UFD1: variants seen among roughly 807,000 people sequenced by gnomAD.
The protein encoded by UFD1 is ubiquitin recognition factor in ER-associated degradation protein 1.
In UFD1, 13 loss-of-function variants were observed where a neutral mutation model predicts 45.9. That is an observed-to-expected ratio of 0.28 (90% CI 0.18 to 0.45). The LOEUF (loss-of-function observed/expected upper bound fraction) is 0.45, where lower values mean the gene tolerates loss of function less well. Ranked by LOEUF, UFD1 falls within the 20% of genes least tolerant of loss-of-function variation. The pLI, the probability that UFD1 is intolerant of heterozygous loss-of-function variation, is 1.00. For missense variants in UFD1, 218 were observed against 389.2 expected, an observed-to-expected ratio of 0.56 and a Z score of 3.70; for synonymous variants, 128 against 139.2, an observed-to-expected ratio of 0.92 and a Z score of 0.56.
chr22:19,467,735 A>C, intron 5 of UFD1, 138 bp downstream of exon 5: 1 of 1,462,576 alleles, frequency 6.8e-7, no homozygotes, highest in Non-Finnish European at 9.2e-7. Flanking sequence ...GCTGAACCCC[A>C]TTATTCTCAA....
At position 19,464,265 on chromosome 22, in the gene UFD1, G is replaced by A. The variant is rs143239726; in HGVS notation, c.495+937C>T. On this transcript the variant is annotated intron_variant, in intron 6 of 11. Transcript: ENST00000263202. ...CCAGTCCCCGAAGGGACCAGAGAGT[G>A]CTGTGAAGGAGCTAAGTGCTAGCTT... 8.2e-3 allele frequency among the ~76,000 whole-genome samples: 1,243 copies of A among 152,338 alleles called. 16 individuals carry two copies. Among genetic ancestry groups the A allele is most frequent in the African/African-American group, 0.028 (1,166 of 41,568 alleles).
At chr22:19,452,971 G>C in intron 11 of UFD1, 2 of 930,514 alleles carry the variant, frequency 2.1e-6, no homozygotes, top group Non-Finnish European at 2.6e-6. Context: ...CATCTTTGGG[G>C]AAACTATTTC....
chr22:19,456,950 T>G (rs1447661242), intron 7 of UFD1, 32 bp from the exon 8 acceptor site: 2 of 1,452,802 alleles, frequency 1.4e-6, no homozygotes, highest in Non-Finnish European at 1.9e-6. Context: ...AGTAAAATAT[T>G]GAGACATGAC....
chr22:19,475,931 T>C (rs5748228), intron 1 of UFD1, among the ~76,000 whole-genome samples: 7,604 of 152,206 alleles, frequency 0.05, 292 homozygotes, highest in East Asian at 0.12. Flanking sequence ...CTAAACAATA[T>C]TTGTTAATTG....
intron 7 of UFD1, among the ~76,000 whole-genome samples, chr22:19,457,600 G>A (rs2089732799): frequency 6.6e-6 from 1 of 152,150 alleles, no homozygotes; most frequent in Non-Finnish European, 1.5e-5. Context: ...ATTACCTGAG[G>A]TCAGGAGTTT....
chr22:19,457,087 A>C, intron 7 of UFD1, 169 bp from the exon 8 acceptor site: 1 of 617,436 alleles, frequency 1.6e-6, no homozygotes, highest in South Asian at 1.9e-5. Context: ...TTACAAAATT[A>C]CAGTAAAGTA....
intron 5 of UFD1, 121 bp downstream of exon 5, chr22:19,467,752 A>G (rs2089813668): frequency 2.0e-6 from 3 of 1,497,884 alleles, no homozygotes; most frequent in African/African-American, 1.4e-5. Context: ...TCAAATCACA[A>G]CTTGAATCAC....
In UFD1 at chr22:19,455,721, T is replaced by C; in HGVS notation, c.726A>G (p.Val242=). ...GCTTGATTGGGGAGGGGCTGGGCTC[T>C]ACCCCTTTCTTCTTTCCATCCAGTC... ...GNRLDGKKKG[V]EPSPSPIKPG... is the part of the protein sequence containing the mutation. The change falls in exon 10 of 12, where the codon GTA becomes GTG. Residue 242 remains valine, a synonymous_variant. Coordinates refer to ENST00000263202, the MANE Select transcript of UFD1 (RefSeq NM_005659.7). 1 of 1,614,130 alleles carries C rather than the reference T, an allele frequency of 6.2e-7. No homozygotes were observed. Among genetic ancestry groups the C allele is most frequent in the Non-Finnish European group, 8.5e-7 (1 of 1,179,966 alleles).
At chr22:19,454,853 A>G in intron 10 of UFD1, 23 bp from the exon 11 acceptor site, 1 of 1,603,850 alleles carries the variant, frequency 6.2e-7, no homozygotes, top group East Asian at 2.2e-5. Context: ...ACAGAGACAG[A>G]GAAATGTTAT....
chr22:19,451,439 G>C (rs1372741908), intron 11 of UFD1: 1 of 985,140 alleles, frequency 1.0e-6, no homozygotes, highest in Non-Finnish European at 1.2e-6. Flanking sequence ...TTAACATATA[G>C]AGACCAACCA....
At chr22:19,451,488 C>A in intron 11 of UFD1, 1 of 985,370 alleles carries the variant, frequency 1.0e-6, no homozygotes, top group Non-Finnish European at 1.2e-6. Flanking sequence ...CTTCCATCAG[C>A]AGAAAGAGGG....
chr22:19,453,635 C>T lies in UFD1; in HGVS notation c.849+1114G>A, dbSNP rs962010700. 1.0e-5 allele frequency: 10 copies of T among 985,464 alleles called. No homozygotes were observed. The African/African-American group carries it at 1.6e-4, about 15-fold the overall frequency. 61.0% of individuals were successfully genotyped at this position (985,464 alleles called of 1,614,324 possible). A position where few individuals can be genotyped will look rare whatever the true frequency, so the allele number is the denominator to read the frequency against. On this transcript the variant is annotated intron_variant, in intron 11 of 11. Coordinates refer to ENST00000263202, the MANE Select transcript of UFD1 (RefSeq NM_005659.7). ...CTGGAGGGTGAGGTCTGACTGGCCA[C>T]TATGTTTGCTCCTCTGAGCCTGAAA...
chr22:19,454,993 C>G (rs1004608741), intron 10 of UFD1, among the ~76,000 whole-genome samples, 163 bp from the exon 11 acceptor site: 2 of 152,160 alleles, frequency 1.3e-5, no homozygotes, highest in Admixed American at 1.3e-4. Context: ...AAGTAACTGA[C>G]TTCTTGGTTT....
At chr22:19,464,024 T>C (rs2089785020) in intron 6 of UFD1, among the ~76,000 whole-genome samples, 1 of 152,224 alleles carries the variant, frequency 6.6e-6, no homozygotes, top group Non-Finnish European at 1.5e-5. Context: ...AGGTAAACGA[T>C]ACCTAAAATG....
At chr22:19,478,923 G>T in intron 1 of UFD1, 160 bp downstream of exon 1, 1 of 981,182 alleles carries the variant, frequency 1.0e-6, no homozygotes, top group Non-Finnish European at 1.4e-6. Context: ...GTGGTCAAGG[G>T]TCCTGCTTGT....
chr22:19,470,844 G>A (rs2089839488), intron 4 of UFD1: 2 of 460,372 alleles, frequency 4.3e-6, no homozygotes, highest in South Asian at 1.5e-5. Flanking sequence ...GAGGTGGGCT[G>A]TGCTTCAGAC....
At chr22:19,474,322 G>A (rs5746743) in intron 3 of UFD1, among the ~76,000 whole-genome samples, 133,513 of 152,152 alleles carry the variant, frequency 0.88, 58,874 homozygotes, top group African/African-American at 0.97. Context: ...AGGCAGGCAG[G>A]TCACCTGAGG....
chr22:19,454,409 G>T, intron 11 of UFD1: 2 of 813,202 alleles, frequency 2.5e-6, no homozygotes, highest in Non-Finnish European at 3.0e-6. Flanking sequence ...TCATGAGGGC[G>T]GGTCTTTTCC....
intron 1 of UFD1, 56 bp downstream of exon 1, chr22:19,479,027 C>G (rs1264196660): frequency 1.1e-5 from 17 of 1,573,444 alleles, no homozygotes; most frequent in Non-Finnish European, 1.5e-5. Context: ...CCGCCGGGCC[C>G]TACCTCAGGC....
Sources: gnomAD v4.1 joint callset for allele counts (sites outside exome capture counted in the v4.1 genomes callset) on GRCh38, gnomAD v4.1.1 for gene constraint, MANE v1.5 for transcripts, NCBI Gene and HGNC (gene_info 2026-07-23, HGNC 2026-07-21) for gene names.